MFSD6: variants seen among roughly 807,000 people sequenced by gnomAD.
The protein encoded by MFSD6 is major facilitator superfamily domain-containing protein 6.
A neutral mutation model predicts 56.3 loss-of-function variants in MFSD6; 26 were observed. The observed-to-expected ratio is 0.46, with a 90% CI of 0.34 to 0.64. The LOEUF (loss-of-function observed/expected upper bound fraction) is 0.64, where lower values mean the gene tolerates loss of function less well. Among genes scored for constraint, MFSD6 ranks in the 30% least tolerant of loss-of-function variants. The probability of loss-of-function intolerance (pLI) is 0.01; values close to 1 mark genes in which losing one functional copy is unlikely to be tolerated. For synonymous variants in MFSD6, 331 were observed against 366.9 expected, an observed-to-expected ratio of 0.90 and a Z score of 1.12; for missense variants, 750 against 986.2, an observed-to-expected ratio of 0.76 and a Z score of 3.21.
At position 190,413,929 on chromosome 2, in the gene MFSD6, A is replaced by T. The variant is rs1207363976; in HGVS notation, c.-175-1363A>T. On this transcript the variant is annotated intron_variant, in intron 1 of 7. Coordinates refer to ENST00000392328, the MANE Select transcript of MFSD6 (RefSeq NM_017694.4). The surrounding 1 kb of genome is among the most constrained non-coding windows in gnomAD (Gnocchi z 4.1). ...GTGGGTCCCTGTGAGTCACGCTGGG[A>T]ATTCTTAACTGTTCAGGGCACTTTT... is the stretch of plus-strand genomic sequence containing the variant. 3.3e-5 allele frequency among the ~76,000 whole-genome samples: 5 copies of T among 152,210 alleles called. No individual in the cohort carries two copies.
intron 1 of MFSD6, among the ~76,000 whole-genome samples, chr2:190,408,948 A>G (rs945664292): frequency 5.3e-5 from 8 of 152,222 alleles, no homozygotes; most frequent in Admixed American, 5.2e-4. Context: ...CGCCCTCGCC[A>G]TAAACATCCC....
At chr2:190,411,178 T>TC in intron 1 of MFSD6, 2 of 950,558 alleles carry the variant, frequency 2.1e-6, no homozygotes, top group Non-Finnish European at 2.5e-6. Context: ...TTTTTTTTTT[T>TC]CAGACAGAGT....
rs1265826810 is a variant in MFSD6, at chr2:190,459,640, A to AG, written c.1533-10118_1533-10117insG. Among the ~76,000 whole-genome samples the AG allele has an allele frequency of 6.6e-6, 1 of 152,202 alleles. No homozygotes were observed. Among genetic ancestry groups the AG allele is most frequent in the Non-Finnish European group, 1.5e-5 (1 of 68,020 alleles). On this transcript the variant is annotated intron_variant, in intron 3 of 7. Transcript: ENST00000392328. The surrounding 1 kb of genome is among the most constrained non-coding windows in gnomAD (Gnocchi z 5.3). ...GAGATACACACAACTTAAGAAAAAA[A>AG]CAGATAAACTAAAATAACAATGGAG...
In MFSD6 at chr2:190,489,990, G is replaced by A; in HGVS notation, c.1891+124G>A. On this transcript the variant is annotated intron_variant, in intron 6 of 7. Transcript: ENST00000392328. This position sits in a 1 kb window ranked among gnomAD's most constrained non-coding sequence, Gnocchi z 6.6. The stretch of plus-strand genomic sequence containing the variant: ...AGGTCTGTTTGGCTCAATTTTCTGA[G>A]TGGCGTATCGATGAATTCATGTGGA... 1.4e-6 allele frequency: 1 copy of A among 707,796 alleles called. No homozygotes were observed. The highest frequency in any genetic ancestry group is 2.3e-6 in the Non-Finnish European group (1 of 439,594). The allele number at this position is 707,796 out of a possible 1,614,324, so 43.8% of individuals were successfully genotyped here.
At position 190,500,959 on chromosome 2, in the gene MFSD6, C is replaced by G. The variant is rs555129484; in HGVS notation, c.*741C>G. On this transcript the variant is annotated 3_prime_UTR_variant, in exon 8 of 8. Coordinates refer to ENST00000392328, the MANE Select transcript of MFSD6 (RefSeq NM_017694.4). This position sits in a 1 kb window ranked among gnomAD's most constrained non-coding sequence, Gnocchi z 5.3. ...CTTTGAGAAAAAAAACAGAAACAAG[C>G]GATTATTTCAAATCAACCAACCAAC... is the stretch of plus-strand genomic sequence containing the variant. The G allele has an allele frequency of 6.6e-6, 1 of 152,208 alleles. No homozygotes were observed. The highest frequency in any genetic ancestry group is 6.5e-5 in the Admixed American group (1 of 15,292). 9.4% of individuals were successfully genotyped at this position (152,208 alleles called of 1,614,324 possible). A position where few individuals can be genotyped will look rare whatever the true frequency, so the allele number is the denominator to read the frequency against.
rs1302115705 is a variant in MFSD6 at position 190,415,210 on chromosome 2, C to T, written c.-175-82C>T. 1 of 152,178 alleles carries T rather than the reference C, an allele frequency of 6.6e-6. No homozygotes were observed. Among genetic ancestry groups the T allele is most frequent in the Admixed American group, 6.5e-5 (1 of 15,288 alleles). The allele number at this position is 152,178 out of a possible 1,614,324, so 9.4% of individuals were successfully genotyped here. On this transcript the variant is annotated intron_variant, in intron 1 of 7. Coordinates refer to ENST00000392328, the MANE Select transcript of MFSD6 (RefSeq NM_017694.4). The surrounding 1 kb of genome is among the most constrained non-coding windows in gnomAD (Gnocchi z 4.5). Reference sequence around the variant, plus strand: ...GCCTGTCAATTCTCATACTCACCAGCATTGAATATTTCCATTTTAAAAATT... The same window carrying T: ...GCCTGTCAATTCTCATACTCACCAGTATTGAATATTTCCATTTTAAAAATT...
chr2:190,497,405 T>G lies in MFSD6; in HGVS notation c.1892-34T>G. 1.3e-6 allele frequency: 2 copies of G among 1,598,438 alleles called. No homozygotes were observed. Among genetic ancestry groups the G allele is most frequent in the Non-Finnish European group, 1.7e-6 (2 of 1,171,388 alleles). Reference sequence around the variant, plus strand: ...CTTTGTTCAAATATGTAGAAAATGCTGAAAAAATAGTTTAAACATTCTTTT... The same window carrying G: ...CTTTGTTCAAATATGTAGAAAATGCGGAAAAAATAGTTTAAACATTCTTTT... On this transcript the variant is annotated intron_variant, in intron 6 of 7. Coordinates refer to ENST00000392328, the MANE Select transcript of MFSD6 (RefSeq NM_017694.4). The surrounding 1 kb of genome is among the most constrained non-coding windows in gnomAD (Gnocchi z 5.2).
chr2:190,477,346 T>C (rs1688394719), intron 4 of MFSD6: 2 of 984,086 alleles, frequency 2.0e-6, no homozygotes, highest in Admixed American at 1.2e-4. Flanking sequence ...TTTATTGGTA[T>C]GCTACAGTGT....
chr2:190,443,306 T>TCTG lies in MFSD6; in HGVS notation c.1532+5745_1532+5746insCTG, dbSNP rs1282788127. Among the ~76,000 whole-genome samples the TCTG allele has an allele frequency of 6.6e-6, 1 of 152,208 alleles. No homozygotes were observed. Among genetic ancestry groups the TCTG allele is most frequent in the Non-Finnish European group, 1.5e-5 (1 of 68,028 alleles). ...TATGGCCTTGGACAAGTTACAGAAC[T>TCTG]TTTTGCATCTCTGTATTGTTATCTA... On this transcript the variant is annotated intron_variant, in intron 3 of 7. Coordinates refer to ENST00000392328, the MANE Select transcript of MFSD6 (RefSeq NM_017694.4). This position sits in a 1 kb window ranked among gnomAD's most constrained non-coding sequence, Gnocchi z 4.2.
At chr2:190,476,200 A>C (rs1688295333) in intron 4 of MFSD6, among the ~76,000 whole-genome samples, 1 of 152,200 alleles carries the variant, frequency 6.6e-6, no homozygotes, top group Non-Finnish European at 1.5e-5. Context: ...ACAAAAGCCA[A>C]AATTGACAAA....
chr2:190,441,662 C>CCT (rs1164457974), intron 3 of MFSD6, among the ~76,000 whole-genome samples: 1 of 152,054 alleles, frequency 6.6e-6, no homozygotes, highest in East Asian at 1.9e-4. Context: ...TCTCTACAGT[C>CCT]CTCTCTCTCT....
In MFSD6 at chr2:190,434,382, T is replaced by G. The variant is rs1165471232; in HGVS notation, c.-53-1595T>G. Among the ~76,000 whole-genome samples the G allele has an allele frequency of 2.2e-4, 33 of 152,262 alleles. No individual in the cohort carries two copies. Among genetic ancestry groups the G allele is most frequent in the Non-Finnish European group, 1.5e-5 (1 of 68,028 alleles). ...GGATGCTGGCACAGTTCCTATAAATTTATATAAATGTATATTGCTAATATC... is the reference window on the plus strand; with the variant it reads ...GGATGCTGGCACAGTTCCTATAAATGTATATAAATGTATATTGCTAATATC... On this transcript the variant is annotated intron_variant, in intron 2 of 7. Coordinates refer to ENST00000392328, the MANE Select transcript of MFSD6 (RefSeq NM_017694.4). This position sits in a 1 kb window ranked among gnomAD's most constrained non-coding sequence, Gnocchi z 4.3.
chr2:190,449,174 A>C (rs1431134594), intron 3 of MFSD6, among the ~76,000 whole-genome samples: 1 of 152,196 alleles, frequency 6.6e-6, no homozygotes, highest in Non-Finnish European at 1.5e-5. Context: ...GCAAATGCAT[A>C]GTATGTTGTT....
At position 190,431,587 on chromosome 2, in the gene MFSD6, C is replaced by T. The variant is rs781611451; in HGVS notation, c.-53-4390C>T. Among the ~76,000 whole-genome samples the T allele has an allele frequency of 1.3e-4, 20 of 152,320 alleles. 1 individual carries two copies. The highest frequency in any genetic ancestry group is 4.1e-4 in the African/African-American group (17 of 41,590). On this transcript the variant is annotated intron_variant, in intron 2 of 7. Transcript: ENST00000392328. This position sits in a 1 kb window ranked among gnomAD's most constrained non-coding sequence, Gnocchi z 4.4. The stretch of plus-strand genomic sequence containing the variant: ...AGGTGTGGCGGCGCGCGCCTGCAAT[C>T]GCAGGCACTTGGCAGGCTGAGGCAG...
At chr2:190,446,718 T>G (rs1434638629) in intron 3 of MFSD6, among the ~76,000 whole-genome samples, 1 of 152,178 alleles carries the variant, frequency 6.6e-6, no homozygotes, top group East Asian at 1.9e-4. Flanking sequence ...TTTATGGATG[T>G]TCGTTCTGGG....
At position 190,467,381 on chromosome 2, in the gene MFSD6, G is replaced by A. The variant is rs917285377; in HGVS notation, c.1533-2377G>A. 1.4e-4 allele frequency among the ~76,000 whole-genome samples: 22 copies of A among 152,202 alleles called. No homozygotes were observed. Among genetic ancestry groups the A allele is most frequent in the Non-Finnish European group, 2.9e-5 (2 of 68,038 alleles). On this transcript the variant is annotated intron_variant, in intron 3 of 7. Transcript: ENST00000392328. The surrounding 1 kb of genome is among the most constrained non-coding windows in gnomAD (Gnocchi z 5.5). Reference sequence around the variant, plus strand: ...TAATTCCAGCATTTTGGGAGGCCGAGGTGGGCGGACTACCTGAGGTCAGGA... The same window carrying A: ...TAATTCCAGCATTTTGGGAGGCCGAAGTGGGCGGACTACCTGAGGTCAGGA...
chr2:190,488,534 T>A lies in MFSD6; in HGVS notation c.1631-123T>A. On this transcript the variant is annotated intron_variant, in intron 4 of 7. Coordinates refer to ENST00000392328, the MANE Select transcript of MFSD6 (RefSeq NM_017694.4). The surrounding 1 kb of genome is among the most constrained non-coding windows in gnomAD (Gnocchi z 6.4). ...TAAAAATGTGAAAATGGTAAATTTT[T>A]AATGTATGTTTTCCCACAACAAATC... 1 of 923,792 alleles carries A rather than the reference T, an allele frequency of 1.1e-6. No homozygotes were observed. Among genetic ancestry groups the A allele is most frequent in the Non-Finnish European group, 1.5e-6 (1 of 657,952 alleles). The allele number at this position is 923,792 out of a possible 1,614,324, so 57.2% of individuals were successfully genotyped here.
Position 190,438,176 on chromosome 2 carries a change from TTC to T in MFSD6, c.1532+617_1532+618del. ...GAAGACATAGGATATTTGAAAATCT[TTC>T]TTCCACCTAAAATTTCCCATGTAAT... On this transcript the variant is annotated intron_variant, in intron 3 of 7. Transcript: ENST00000392328. This position sits in a 1 kb window ranked among gnomAD's most constrained non-coding sequence, Gnocchi z 5.2. 6.7e-6 allele frequency among the ~76,000 whole-genome samples: 1 copy of T among 150,228 alleles called. No individual in the cohort carries two copies.
rs1447511785 is a variant in MFSD6, at chr2:190,498,490, G to A, written c.2172+771G>A. On this transcript the variant is annotated intron_variant, in intron 7 of 7. Transcript: ENST00000392328. The surrounding 1 kb of genome is among the most constrained non-coding windows in gnomAD (Gnocchi z 5.9). ...GAGTAATTCCCCTTTCAGAAAATTT[G>A]TTGAACTGTTAATTAATCTCACTTT... Among the ~76,000 whole-genome samples the A allele has an allele frequency of 6.6e-6, 1 of 152,144 alleles. No homozygotes were observed. Among genetic ancestry groups the A allele is most frequent in the Non-Finnish European group, 1.5e-5 (1 of 68,010 alleles).
Sources: gnomAD v4.1 joint callset for allele counts (sites outside exome capture counted in the v4.1 genomes callset) on GRCh38, gnomAD v4.1.1 for gene constraint, Gnocchi (gnomAD v3.1) non-coding constraint, MANE v1.5 for transcripts, NCBI Gene and HGNC (gene_info 2026-07-23, HGNC 2026-07-21) for gene names.